RXRA: variants seen among roughly 807,000 people sequenced by gnomAD.
RXRA encodes the protein retinoic acid receptor RXR-alpha.
A neutral mutation model predicts 44.5 loss-of-function variants in RXRA; 5 were observed. The observed-to-expected ratio is 0.11, with a 90% confidence interval of 0.06 to 0.24. The LOEUF is 0.24. Among genes scored for constraint, RXRA ranks in the 10% least tolerant of loss-of-function variants. RXRA has a pLI of 1.00. For missense variants in RXRA, 412 were observed against 646.5 expected, an observed-to-expected ratio of 0.64 and a Z score of 3.93; for synonymous variants, 291 against 271.4, an observed-to-expected ratio of 1.07 and a Z score of -0.71.
At chr9:134,368,505 A>G (rs1434686857) in intron 1 of RXRA, among the ~76,000 whole-genome samples, 1 of 152,106 alleles carries the variant, frequency 6.6e-6, no homozygotes, top group Admixed American at 6.5e-5. Context: ...GCAAAAAGTC[A>G]TGTGTGCCGT....
intron 5 of RXRA, among the ~76,000 whole-genome samples, chr9:134,420,551 G>A (rs184063359): frequency 6.6e-6 from 1 of 152,324 alleles, no homozygotes; most frequent in African/African-American, 2.4e-5. Context: ...TTCTCACTCC[G>A]CCCTCAGAGG....
At chr9:134,375,061 G>A (rs1413846047) in intron 1 of RXRA, among the ~76,000 whole-genome samples, 3 of 152,200 alleles carry the variant, frequency 2.0e-5, no homozygotes. Context: ...GAGGGGGTGT[G>A]TAGGAGATGA....
At chr9:134,422,188 T>C (rs113740132) in intron 6 of RXRA, 1 of 1,171,444 alleles carries the variant, frequency 8.5e-7, no homozygotes, top group African/African-American at 2.2e-5. Context: ...TGGGACACAC[T>C]TCCCCCTCCA....
At position 134,437,914 on chromosome 9, in the gene RXRA, T is replaced by C. The variant is rs1321963264; in HGVS notation, c.*1300T>C. 7.2e-6 allele frequency: 1 copy of C among 139,674 alleles called. No homozygotes were observed. The highest frequency in any genetic ancestry group is 1.6e-5 in the Non-Finnish European group (1 of 64,338). The allele number at this position is 139,674 out of a possible 1,614,324, so 8.7% of individuals were successfully genotyped here. A position where few individuals can be genotyped will look rare whatever the true frequency, so the allele number is the denominator to read the frequency against. On this transcript the variant is annotated 3_prime_UTR_variant, in exon 10 of 10. Transcript: ENST00000481739. Reference sequence around the variant, plus strand: ...TGGGAGCCTCACTGAACGCCTGCTCTGGTTGAAGGTGGGGTGGGGGCGGGG... The same window carrying C: ...TGGGAGCCTCACTGAACGCCTGCTCCGGTTGAAGGTGGGGTGGGGGCGGGG...
chr9:134,345,771 A>G (rs1161794834), intron 1 of RXRA, among the ~76,000 whole-genome samples: 2 of 152,252 alleles, frequency 1.3e-5, no homozygotes, highest in African/African-American at 4.8e-5. Context: ...TGCAAAATGC[A>G]TGACGGGGAA....
At chr9:134,353,579 G>A (rs1333212325) in intron 1 of RXRA, among the ~76,000 whole-genome samples, 6 of 152,324 alleles carry the variant, frequency 3.9e-5, no homozygotes, top group Admixed American at 6.5e-5. Context: ...ACGAGTCCAC[G>A]AGCCCCTGTA....
intron 1 of RXRA, among the ~76,000 whole-genome samples, chr9:134,346,085 C>G (rs557591931): frequency 1.3e-5 from 2 of 152,252 alleles, no homozygotes; most frequent in South Asian, 2.1e-4. Flanking sequence ...GGCTGACAGC[C>G]CAGAGTGGTG....
chr9:134,365,612 G>A lies in RXRA; in HGVS notation c.29-36020G>A, dbSNP rs181362967. Reference sequence around the variant, plus strand: ...CAGTGGTTTCTGTGGCTTTTCTGGGGTCCTGGGCTGTCCCTCAGCAGGCCT... The same window carrying A: ...CAGTGGTTTCTGTGGCTTTTCTGGGATCCTGGGCTGTCCCTCAGCAGGCCT... On this transcript the variant is annotated intron_variant, in intron 1 of 9. Transcript: ENST00000481739. This position sits in a 1 kb window ranked among gnomAD's most constrained non-coding sequence, Gnocchi z 4.0. 6.1e-3 allele frequency among the ~76,000 whole-genome samples: 926 copies of A among 152,248 alleles called. 28 individuals carry two copies. The highest frequency in any genetic ancestry group is 3.9e-3 in the Non-Finnish European group (262 of 68,004).
intron 3 of RXRA, 107 bp from the exon 4 acceptor site, chr9:134,408,833 C>A: frequency 8.9e-7 from 1 of 1,118,834 alleles, no homozygotes; most frequent in Non-Finnish European, 1.2e-6. Flanking sequence ...CAGCAGGTCC[C>A]TTTCTGAGGC....
intron 2 of RXRA, 27 bp downstream of exon 2, chr9:134,401,909 G>T (rs779175329): frequency 3.9e-6 from 6 of 1,554,596 alleles, no homozygotes; most frequent in South Asian, 3.5e-5. Flanking sequence ...GGCAAGGGGA[G>T]GGGGTGGGGC....
Position 134,429,144 on chromosome 9 carries a change from G to A in RXRA, c.947G>A (p.Arg316His), listed in dbSNP as rs1220410660. The part of the protein sequence containing the change: ...NELLIASFSH[R>H]SIAVKDGILL... ...CTGCTCATCGCCTCCTTCTCCCACCGCTCCATCGCCGTGAAGGACGGGATC... is the reference window on the plus strand; with the variant it reads ...CTGCTCATCGCCTCCTTCTCCCACCACTCCATCGCCGTGAAGGACGGGATC... Residue 316 changes from arginine to histidine, a missense_variant, in exon 7 of 10, where the codon CGC (arginine) becomes CAC (histidine). Physicochemically the swap from Arg to His is conservative, Grantham distance 29. Transcript: ENST00000481739. The A allele has an allele frequency of 1.9e-5, 31 of 1,613,082 alleles. No individual in the cohort carries two copies. Among genetic ancestry groups the A allele is most frequent in the Admixed American group, 3.3e-5 (2 of 60,028 alleles).
intron 6 of RXRA, chr9:134,422,977 C>T (rs1831372824): frequency 1.3e-5 from 13 of 985,372 alleles, no homozygotes; most frequent in Non-Finnish European, 1.6e-5. Flanking sequence ...ACAGAAATGC[C>T]TGCTCCACGC....
chr9:134,336,755 T>G (rs1460941275), intron 1 of RXRA, among the ~76,000 whole-genome samples: 1 of 152,244 alleles, frequency 6.6e-6, no homozygotes, highest in Admixed American at 6.5e-5. Context: ...CGAATTCATG[T>G]GGTCAGCCAA....
chr9:134,419,959 C>T (rs577258518), intron 5 of RXRA, among the ~76,000 whole-genome samples: 1 of 152,324 alleles, frequency 6.6e-6, no homozygotes, highest in Non-Finnish European at 1.5e-5. Flanking sequence ...CAGATGGTGA[C>T]CCGTGTGCCC....
intron 1 of RXRA, among the ~76,000 whole-genome samples, chr9:134,340,599 T>C (rs1554748005): frequency 6.6e-6 from 1 of 152,088 alleles, no homozygotes; most frequent in East Asian, 1.9e-4. Context: ...GATCCCTTTC[T>C]GCAGGCACCC....
rs565574579 is a variant in RXRA, at chr9:134,366,313, C to G, written c.29-35319C>G. Among the ~76,000 whole-genome samples, 30 of 152,308 alleles carry G rather than the reference C, an allele frequency of 2.0e-4. 1 individual carries two copies. In the South Asian group the frequency reaches 6.2e-3, roughly 32 times the overall value. ...ACAGCCTCTCCCTCTGCCCACCCCC[C>G]CCATGCCTGCCCTGCCAGCAGGTCC... On this transcript the variant is annotated intron_variant, in intron 1 of 9. Coordinates refer to ENST00000481739, the MANE Select transcript of RXRA (RefSeq NM_002957.6). This position sits in a 1 kb window ranked among gnomAD's most constrained non-coding sequence, Gnocchi z 5.9.
intron 1 of RXRA, among the ~76,000 whole-genome samples, chr9:134,388,404 T>C (rs1168124961): frequency 6.6e-6 from 1 of 152,156 alleles, no homozygotes; most frequent in African/African-American, 2.4e-5. Flanking sequence ...CTGTCTCTTC[T>C]GGGAATGACT....
At chr9:134,369,434 GT>G (rs1443547340) in intron 1 of RXRA, among the ~76,000 whole-genome samples, 2 of 115,042 alleles carry the variant, frequency 1.7e-5, no homozygotes, top group Non-Finnish European at 3.5e-5. Context: ...GAGTGCAGGG[GT>G]TATGTGTGTA....
chr9:134,365,672 G>A lies in RXRA; in HGVS notation c.29-35960G>A, dbSNP rs1428690248. On this transcript the variant is annotated intron_variant, in intron 1 of 9. Transcript: ENST00000481739. This position sits in a 1 kb window ranked among gnomAD's most constrained non-coding sequence, Gnocchi z 4.0. ...CGGGGACAGTGGGGATGAGTTTCAG[G>A]TCTGTTCTTGGTGGCTGTTAACTCT... Among the ~76,000 whole-genome samples the A allele has an allele frequency of 6.6e-6, 1 of 152,028 alleles. No individual in the cohort carries two copies. Among genetic ancestry groups the A allele is most frequent in the African/African-American group, 2.4e-5 (1 of 41,386 alleles).
Sources: allele counts gnomAD v4.1 joint callset (sites outside exome capture counted in the v4.1 genomes callset), GRCh38; gene constraint gnomAD v4.1.1; non-coding constraint Gnocchi (gnomAD v3.1); transcripts MANE v1.5; gene names NCBI Gene and HGNC (gene_info 2026-07-23, HGNC 2026-07-21).